The following FAM193A variants were observed in gnomAD, a reference collection of about 807,000 sequenced individuals.
FAM193A encodes family with sequence similarity 193 member A, also known as protein FAM193A.
In FAM193A, 22 loss-of-function variants were observed where a neutral mutation model predicts 126.5. The ratio of observed to expected loss-of-function variants is 0.17; its 90% CI spans 0.12 to 0.25. The LOEUF is 0.25. FAM193A is among the 10% of genes least tolerant of loss of function. The probability of loss-of-function intolerance (pLI) is 1.00; values close to 1 mark genes in which losing one functional copy is unlikely to be tolerated. For synonymous variants in FAM193A, 761 were observed against 646.8 expected (o/e 1.18, Z -2.68); for missense variants, 1,675 against 1,672.8 (o/e 1.00, Z -0.02).
chr4:2,542,304 C>G (rs973238897), intron 1 of FAM193A, among the ~76,000 whole-genome samples: 1 of 152,142 alleles, frequency 6.6e-6, no homozygotes, highest in South Asian at 2.1e-4. Context: ...CACGCCCGGC[C>G]ATTTTTTGTA....
chr4:2,577,422 G>GTTTTTGTTTTTT (rs1553888654), intron 1 of FAM193A, among the ~76,000 whole-genome samples: 6 of 115,540 alleles, frequency 5.2e-5, no homozygotes, highest in South Asian at 6.0e-4. Flanking sequence ...TTTTTTTTTT[G>GTTTTTGTTTTTT]TTTTTTTTTT....
intron 1 of FAM193A, among the ~76,000 whole-genome samples, chr4:2,575,035 C>T (rs543632140): frequency 3.3e-5 from 5 of 152,318 alleles, no homozygotes; most frequent in African/African-American, 4.8e-5. Flanking sequence ...CACACAAATG[C>T]GTGCCATGCT....
At chr4:2,561,797 G>A (rs754244463) in intron 1 of FAM193A, among the ~76,000 whole-genome samples, 26 of 152,208 alleles carry the variant, frequency 1.7e-4, no homozygotes, top group Admixed American at 3.3e-4. Flanking sequence ...GTACCCGGCT[G>A]AGATTTCTGA....
At chr4:2,698,244 C>T (rs1403499185) in intron 18 of FAM193A, among the ~76,000 whole-genome samples, 2 of 152,210 alleles carry the variant, frequency 1.3e-5, no homozygotes, top group Non-Finnish European at 2.9e-5. Context: ...GGGCACCTGC[C>T]TTTACATGCT....
chr4:2,720,778 A>G (rs184473837), intron 20 of FAM193A, among the ~76,000 whole-genome samples: 50 of 152,368 alleles, frequency 3.3e-4, no homozygotes, highest in African/African-American at 1.1e-3. Flanking sequence ...CAAAAGTTGC[A>G]TAAGACTTGT....
intron 13 of FAM193A, among the ~76,000 whole-genome samples, chr4:2,685,758 G>A (rs540657603): frequency 5.3e-5 from 8 of 152,208 alleles, no homozygotes; most frequent in African/African-American, 7.2e-5. Flanking sequence ...TTCCATGTCC[G>A]AGTGGGTGTG....
intron 4 of FAM193A, among the ~76,000 whole-genome samples, chr4:2,629,583 C>T (rs1379449995): frequency 1.3e-5 from 2 of 152,166 alleles, no homozygotes; most frequent in Non-Finnish European, 2.9e-5. Context: ...CAGGTGACAA[C>T]TTTCTTTTCT....
intron 1 of FAM193A, among the ~76,000 whole-genome samples, chr4:2,577,422 GT>G (rs986931980): frequency 4.8e-4 from 55 of 115,554 alleles, no homozygotes; most frequent in South Asian, 2.7e-3. Context: ...TTTTTTTTTT[GT>G]TTTTTTTTTT....
At chr4:2,695,200 G>A in intron 17 of FAM193A, 71 bp downstream of exon 17, 1 of 1,350,988 alleles carries the variant, frequency 7.4e-7, no homozygotes, top group Non-Finnish European at 9.9e-7. Context: ...CAGAAATTCT[G>A]TACTAGGTTG....
intron 1 of FAM193A, among the ~76,000 whole-genome samples, chr4:2,572,888 G>T: frequency 6.9e-6 from 1 of 144,736 alleles, no homozygotes; most frequent in East Asian, 1.9e-4. Context: ...AGAGGCGACA[G>T]TGGCGATGGG....
chr4:2,706,676 T>C (rs1171442971), intron 19 of FAM193A, among the ~76,000 whole-genome samples: 1 of 150,862 alleles, frequency 6.6e-6, no homozygotes, highest in Non-Finnish European at 1.5e-5. Context: ...CTTGTGTCAT[T>C]ATTGCATTTA....
chr4:2,717,529 C>A lies in FAM193A; in HGVS notation c.4454+1425C>A, dbSNP rs555504473. Among the ~76,000 whole-genome samples, 7 of 147,076 alleles carry A rather than the reference C, an allele frequency of 4.8e-5. No homozygotes were observed. In the South Asian group the frequency reaches 1.5e-3, roughly 31 times the overall value. On this transcript the variant is annotated intron_variant, in intron 20 of 20. Coordinates refer to ENST00000637812, the MANE Select transcript of FAM193A (RefSeq NM_001366318.2). ...GAGAATTGCTTGAACCTGGGAGGCACAGGTTGCAGTGAGCCGACATAGCAC... is the reference window on the plus strand; with the variant it reads ...GAGAATTGCTTGAACCTGGGAGGCAAAGGTTGCAGTGAGCCGACATAGCAC...
chr4:2,581,132 A>AAAC (rs140601230), intron 1 of FAM193A, among the ~76,000 whole-genome samples: 49,575 of 138,272 alleles, frequency 0.36, 8,427 homozygotes, highest in African/African-American at 0.47. Context: ...CCGTCTCAAA[A>AAAC]AACAACAACA....
chr4:2,632,850 C>A lies in FAM193A; in HGVS notation c.1038+1681C>A, dbSNP rs545464500. ...CTGCCTGCCCTTCAGAGGTTCAAAT[C>A]CAGAGCCCCTCCTCTGTCTTCTACA... On this transcript the variant is annotated intron_variant, in intron 5 of 20. Transcript: ENST00000637812. 2.6e-5 allele frequency among the ~76,000 whole-genome samples: 4 copies of A among 152,216 alleles called. No homozygotes were observed. In the South Asian group the frequency reaches 8.3e-4, roughly 32 times the overall value.
chr4:2,537,823 G>GGT (rs2108796405), intron 1 of FAM193A, among the ~76,000 whole-genome samples: 2 of 152,280 alleles, frequency 1.3e-5, no homozygotes, highest in African/African-American at 4.8e-5. Context: ...AGTTTTCAGG[G>GGT]GTATTTAGTG....
chr4:2,678,577 G>A (rs1714719211), intron 13 of FAM193A, among the ~76,000 whole-genome samples: 1 of 151,502 alleles, frequency 6.6e-6, no homozygotes, highest in Admixed American at 6.6e-5. Context: ...TGGCCAGGCT[G>A]GTCTCGAACT....
intron 5 of FAM193A, among the ~76,000 whole-genome samples, chr4:2,635,120 G>A (rs1444594811): frequency 6.6e-6 from 1 of 152,160 alleles, no homozygotes; most frequent in Non-Finnish European, 1.5e-5. Flanking sequence ...AAGACTGACG[G>A]TAATAGTAAT....
chr4:2,554,631 A>G (rs1738150148), intron 1 of FAM193A, among the ~76,000 whole-genome samples: 1 of 151,744 alleles, frequency 6.6e-6, no homozygotes, highest in South Asian at 2.1e-4. Context: ...ATTCTTGCTG[A>G]GTTTTTGTCT....
In FAM193A at chr4:2,732,219, A is replaced by C. The variant is rs939472167; in HGVS notation, c.*351A>C. On this transcript the variant is annotated 3_prime_UTR_variant, in exon 21 of 21. Transcript: ENST00000637812. The stretch of plus-strand genomic sequence containing the variant: ...CCTCTGCATTGCGCCCTGTCCTGTC[A>C]TGTGTCCTCACCGGGGTATCGGCCG... The C allele has an allele frequency of 9.9e-6, 3 of 302,368 alleles. No individual in the cohort carries two copies. The East Asian group carries it at 2.5e-4, about 25-fold the overall frequency. 18.7% of individuals were successfully genotyped at this position (302,368 alleles called of 1,614,324 possible). A position where few individuals can be genotyped will look rare whatever the true frequency, so the allele number is the denominator to read the frequency against.
Sources: allele counts gnomAD v4.1 joint callset (sites outside exome capture counted in the v4.1 genomes callset), GRCh38; gene constraint gnomAD v4.1.1; transcripts MANE v1.5; gene names NCBI Gene and HGNC (gene_info 2026-07-23, HGNC 2026-07-21).